The following MSI2 variants were observed in gnomAD, a reference collection of about 807,000 sequenced individuals.
The protein encoded by MSI2 is musashi RNA binding protein 2, also known as RNA-binding protein Musashi homolog 2.
Under a neutral mutation model 45.6 loss-of-function variants are expected in MSI2, and 17 were observed. The ratio of observed to expected loss-of-function variants is 0.37; its 90% CI spans 0.26 to 0.56. The LOEUF is 0.56. MSI2 is among the 20% of genes least tolerant of loss of function. The pLI, the probability that MSI2 is intolerant of heterozygous loss-of-function variation, is 0.77. For synonymous variants in MSI2, 156 were observed against 158.2 expected (o/e 0.99, Z 0.11); for missense variants, 293 against 444.2 (o/e 0.66, Z 3.06).
At chr17:57,541,944 G>C (rs768855471) in intron 7 of MSI2, among the ~76,000 whole-genome samples, 2 of 152,056 alleles carry the variant, frequency 1.3e-5, no homozygotes, top group Non-Finnish European at 2.9e-5. Context: ...CAAAGCTGGC[G>C]CCTCTGCACC....
intron 6 of MSI2, among the ~76,000 whole-genome samples, chr17:57,507,223 CTCTGTGTG>C (rs1166463084): frequency 0.28 from 30,253 of 109,732 alleles, 4,736 homozygotes; most frequent in Non-Finnish European, 0.3. Flanking sequence ...GTCTTTGTCT[CTCTGTGTG>C]TGTGTGTGTG....
chr17:57,503,919 A>G (rs2086170638), intron 6 of MSI2, among the ~76,000 whole-genome samples: 1 of 152,010 alleles, frequency 6.6e-6, no homozygotes, highest in African/African-American at 2.4e-5. Flanking sequence ...TAATTTTTGT[A>G]TTTTAAGTAG....
intron 5 of MSI2, among the ~76,000 whole-genome samples, chr17:57,323,380 C>T (rs952995539): frequency 4.6e-5 from 7 of 152,340 alleles, no homozygotes; most frequent in African/African-American, 1.2e-4. Context: ...TGAGAAGCAC[C>T]TTGGGTTTTC....
Position 57,596,998 on chromosome 17 carries a change from G to A in MSI2, c.537+48G>A, listed in dbSNP as rs774668216. Reference sequence around the variant, plus strand: ...GAAATGGAATGCCCCCTTTCTCTACGTACACACCCAGTCTTGCAGACTGGT... The same window carrying A: ...GAAATGGAATGCCCCCTTTCTCTACATACACACCCAGTCTTGCAGACTGGT... On this transcript the variant is annotated intron_variant, in intron 8 of 13. Coordinates refer to ENST00000284073, the MANE Select transcript of MSI2 (RefSeq NM_138962.4). This position sits in a 1 kb window ranked among gnomAD's most constrained non-coding sequence, Gnocchi z 4.6. The A allele has an allele frequency of 3.8e-5, 52 of 1,356,418 alleles. No individual in the cohort carries two copies. Among genetic ancestry groups the A allele is most frequent in the Admixed American group, 2.9e-4 (17 of 59,562 alleles). The allele number at this position is 1,356,418 out of a possible 1,614,324, so 84.0% of individuals were successfully genotyped here.
At chr17:57,692,809 TG>T in the MSI2 span, among the ~76,000 whole-genome samples, 1 of 152,254 alleles carries the variant, frequency 6.6e-6, no homozygotes, top group African/African-American at 2.4e-5. Context: ...AATCTACTGT[TG>T]TTTTTTTCTT....
At chr17:57,418,505 G>A (rs773349778) in intron 6 of MSI2, among the ~76,000 whole-genome samples, 1 of 152,208 alleles carries the variant, frequency 6.6e-6, no homozygotes. Flanking sequence ...AGTCACATAA[G>A]GTTTGTTATA....
At chr17:57,607,198 T>C (rs1906699289) in intron 8 of MSI2, among the ~76,000 whole-genome samples, 1 of 152,248 alleles carries the variant, frequency 6.6e-6, no homozygotes, top group African/African-American at 2.4e-5. Flanking sequence ...AAGGATGTTG[T>C]GGCTGTGCCT....
intron 6 of MSI2, among the ~76,000 whole-genome samples, chr17:57,460,106 G>A (rs2085195468): frequency 2.0e-5 from 3 of 151,046 alleles, no homozygotes; most frequent in Non-Finnish European, 4.4e-5. Context: ...TCCAGCCTGG[G>A]CAACAGAACG....
At chr17:57,559,262 T>C (rs2087516009) in intron 7 of MSI2, among the ~76,000 whole-genome samples, 1 of 151,978 alleles carries the variant, frequency 6.6e-6, no homozygotes, top group South Asian at 2.1e-4. Context: ...AGGACAGCAT[T>C]TGGAAAGTTA....
chr17:57,416,001 A>G (rs982050804), intron 6 of MSI2, among the ~76,000 whole-genome samples: 3 of 152,204 alleles, frequency 2.0e-5, no homozygotes, highest in Admixed American at 6.5e-5. Context: ...AGGCAAAGAA[A>G]TGTTGTAGTA....
intron 5 of MSI2, among the ~76,000 whole-genome samples, chr17:57,315,916 G>A (rs1009977502): frequency 6.6e-6 from 1 of 152,162 alleles, no homozygotes; most frequent in African/African-American, 2.4e-5. Context: ...GGCGGAGGGT[G>A]TACACGGGCT....
At position 57,675,060 on chromosome 17, in the gene MSI2, C is replaced by T. The variant is rs368885880; in HGVS notation, c.879C>T (p.Ser293=). ...TCTACGGCCCTGCCAGCCAGGACTC[C>T]GGAGTGGGGAATTACATAAGTGCGG... The part of the protein sequence containing the change: ...ADLYGPASQD[S]GVGNYISAAS... Residue 293 remains serine (S), a synonymous_variant, in exon 12 of 14, where the codon TCC becomes TCT. Coordinates refer to ENST00000284073, the MANE Select transcript of MSI2 (RefSeq NM_138962.4). 3.0e-5 allele frequency: 49 copies of T among 1,613,988 alleles called. No individual in the cohort carries two copies. The highest frequency in any genetic ancestry group is 1.6e-4 in the Middle Eastern group (1 of 6,080).
intron 6 of MSI2, among the ~76,000 whole-genome samples, chr17:57,447,812 C>G (rs549765340): frequency 6.6e-6 from 1 of 152,276 alleles, no homozygotes; most frequent in Non-Finnish European, 1.5e-5. Flanking sequence ...TTCCCCAGCC[C>G]CCACTGACAC....
At chr17:57,696,993 C>A in the MSI2 span, among the ~76,000 whole-genome samples, 1 of 152,056 alleles carries the variant, frequency 6.6e-6, no homozygotes, top group Non-Finnish European at 1.5e-5. Flanking sequence ...TTCCATGGGA[C>A]CAGAGCTATC....
At chr17:57,368,943 C>T (rs2083380414) in intron 5 of MSI2, among the ~76,000 whole-genome samples, 1 of 152,204 alleles carries the variant, frequency 6.6e-6, no homozygotes, top group South Asian at 2.1e-4. Context: ...ATCAGTGTGT[C>T]AGCTTTTCCT....
chr17:57,515,557 C>T (rs865894843), intron 6 of MSI2, among the ~76,000 whole-genome samples: 7 of 152,220 alleles, frequency 4.6e-5, no homozygotes, highest in African/African-American at 9.6e-5. Flanking sequence ...CTCAACAGTA[C>T]GCACTTATTG....
intron 7 of MSI2, among the ~76,000 whole-genome samples, chr17:57,583,213 C>T (rs1458774254): frequency 6.6e-6 from 1 of 152,180 alleles, no homozygotes; most frequent in African/African-American, 2.4e-5. Context: ...TTCTTAAAGC[C>T]AGATCGCATA....
chr17:57,663,056 T>C (rs937547085), intron 11 of MSI2, among the ~76,000 whole-genome samples: 3 of 152,202 alleles, frequency 2.0e-5, no homozygotes, highest in Non-Finnish European at 4.4e-5. Context: ...TCAACATTTT[T>C]TCCTGTGGGC....
rs562014319 is a variant in MSI2, at chr17:57,488,514, T to A, written c.406-41162T>A. Among the ~76,000 whole-genome samples the A allele has an allele frequency of 4.6e-5, 7 of 152,184 alleles. No homozygotes were observed. In the South Asian group the frequency reaches 1.5e-3, roughly 32 times the overall value. On this transcript the variant is annotated intron_variant, in intron 6 of 13. Coordinates refer to ENST00000284073, the MANE Select transcript of MSI2 (RefSeq NM_138962.4). ...ACCTCTCACTTTTCAGAGCCAGAAG[T>A]GCTGCTTAAAAATGTGTTCAGATCC...
Sources: gnomAD v4.1 joint callset for allele counts (sites outside exome capture counted in the v4.1 genomes callset) on GRCh38, gnomAD v4.1.1 for gene constraint, Gnocchi (gnomAD v3.1) non-coding constraint, MANE v1.5 for transcripts, NCBI Gene and HGNC (gene_info 2026-07-23, HGNC 2026-07-21) for gene names.